Variants in ATP8B2 observed in about 807,000 individuals in gnomAD.
ATP8B2 encodes ATPase phospholipid transporting 8B2.
A neutral mutation model predicts 133.4 loss-of-function variants in ATP8B2; 70 were observed. That is an observed-to-expected ratio of 0.52 (90% CI 0.43 to 0.64). The LOEUF is 0.64. Ranked by LOEUF, ATP8B2 falls within the 30% of genes least tolerant of loss-of-function variation. The pLI, the probability that ATP8B2 is intolerant of heterozygous loss-of-function variation, is 0.00. For synonymous variants in ATP8B2, 517 were observed against 589.5 expected, an observed-to-expected ratio of 0.88 and a Z score of 1.78; for missense variants, 1,101 against 1,535.7, an observed-to-expected ratio of 0.72 and a Z score of 4.73.
intron 26 of ATP8B2, 144 bp from the exon 27 acceptor site, chr1:154,348,264 T>G: frequency 1.1e-6 from 1 of 890,758 alleles, no homozygotes; most frequent in Non-Finnish European, 1.6e-6. Context: ...AATTTGGAGA[T>G]TTACATTTGG....
chr1:154,328,305 T>G lies in ATP8B2; in HGVS notation c.31+133T>G. Reference sequence around the variant, plus strand: ...AGCTTACAGCAGCCCCTACCCAGCTTGGGGGCAGCCTAGGAAACCGAATTC... The same window carrying G: ...AGCTTACAGCAGCCCCTACCCAGCTGGGGGGCAGCCTAGGAAACCGAATTC... On this transcript the variant is annotated intron_variant, in intron 2 of 27. Coordinates refer to ENST00000368489, the MANE Select transcript of ATP8B2 (RefSeq NM_001370597.1). The surrounding 1 kb of genome is among the most constrained non-coding windows in gnomAD (Gnocchi z 4.6). 1 of 986,980 alleles carries G rather than the reference T, an allele frequency of 1.0e-6. No homozygotes were observed. Among genetic ancestry groups the G allele is most frequent in the Non-Finnish European group, 1.6e-6 (1 of 630,150 alleles). 61.1% of individuals were successfully genotyped at this position (986,980 alleles called of 1,614,324 possible).
At chr1:154,327,164 GT>G (rs1288824442) in intron 1 of ATP8B2, among the ~76,000 whole-genome samples, 1 of 152,226 alleles carries the variant, frequency 6.6e-6, no homozygotes, top group Non-Finnish European at 1.5e-5. Context: ...GGTTGGTGGG[GT>G]GTGCCTGGTA....
Position 154,345,887 on chromosome 1 carries a change from T to TG in ATP8B2, c.2778+9dup. 1.9e-6 allele frequency: 3 copies of TG among 1,603,286 alleles called. No homozygotes were observed. Among genetic ancestry groups the TG allele is most frequent in the Non-Finnish European group, 2.6e-6 (3 of 1,170,242 alleles). Reference sequence around the variant, plus strand: ...GGCTATGGGGGTCTTTGATCAGGTATGGGGGAGTTTGATGATCAGATGGGA... The same window carrying TG: ...GGCTATGGGGGTCTTTGATCAGGTATGGGGGGAGTTTGATGATCAGATGGGA... On this transcript the variant is annotated splice_donor_region_variant and intron_variant, in intron 24 of 27. Transcript: ENST00000368489. This position sits in a 1 kb window ranked among gnomAD's most constrained non-coding sequence, Gnocchi z 5.6.
At position 154,331,769 on chromosome 1, in the gene ATP8B2, A is replaced by G; in HGVS notation, c.438+91A>G. On this transcript the variant is annotated intron_variant, in intron 7 of 27. Transcript: ENST00000368489. This position sits in a 1 kb window ranked among gnomAD's most constrained non-coding sequence, Gnocchi z 4.8. ...CTTTCCTGATTTACTGTTGCCTCTT[A>G]AACACCCGTGGCAGGAATCTTTCTC... 1.4e-6 allele frequency: 2 copies of G among 1,439,952 alleles called. No homozygotes were observed. Among genetic ancestry groups the G allele is most frequent in the Admixed American group, 1.7e-5 (1 of 59,434 alleles). 89.2% of individuals were successfully genotyped at this position (1,439,952 alleles called of 1,614,324 possible). A position where few individuals can be genotyped will look rare whatever the true frequency, so the allele number is the denominator to read the frequency against.
rs932345333 is a variant in ATP8B2, at chr1:154,343,001, C to T, written c.1453+40C>T. On this transcript the variant is annotated intron_variant, in intron 15 of 27. Transcript: ENST00000368489. The surrounding 1 kb of genome is among the most constrained non-coding windows in gnomAD (Gnocchi z 5.8). ...CGGCTCGCACTCTCCTGACCTGACT[C>T]TGCCCTTGGGCTCTGCTCTGCTCTG... 8 of 1,608,402 alleles carry T rather than the reference C, an allele frequency of 5.0e-6. No homozygotes were observed. Among genetic ancestry groups the T allele is most frequent in the Non-Finnish European group, 5.1e-6 (6 of 1,176,614 alleles).
rs1176120712 is a variant in ATP8B2 at position 154,340,917 on chromosome 1, G to A, written c.1098G>A (p.Met366Ile). The change falls in exon 13 of 28, where the codon ATG (methionine) becomes ATA (isoleucine). Residue 366 changes from methionine (M) to isoleucine (I), a missense_variant. Physicochemically the swap from Met to Ile is conservative, Grantham distance 10. Transcript: ENST00000368489. This position sits in a 1 kb window ranked among gnomAD's most constrained non-coding sequence, Gnocchi z 4.0. ...FINWDKKMFCMKKRTPAEART... is the reference protein window; with the variant it reads ...FINWDKKMFCIKKRTPAEART... ...ACTGGGATAAGAAGATGTTCTGCAT[G>A]AAGAAGCGGACGCCTGCAGAAGCCC... is the stretch of plus-strand genomic sequence containing the variant. 2 of 1,614,216 alleles carry A rather than the reference G, an allele frequency of 1.2e-6. No homozygotes were observed. The highest frequency in any genetic ancestry group is 1.3e-5 in the African/African-American group (1 of 75,056).
chr1:154,327,699 T>C (rs1685836339), intron 1 of ATP8B2: 8 of 1,199,086 alleles, frequency 6.7e-6, no homozygotes, highest in Non-Finnish European at 9.8e-6. Flanking sequence ...GTTTCCTGGC[T>C]CATGTTCCCT....
At chr1:154,342,991 T>C (rs766945900) in intron 15 of ATP8B2, 30 bp downstream of exon 15, 3 of 1,610,598 alleles carry the variant, frequency 1.9e-6, no homozygotes, top group Middle Eastern at 1.7e-4. Flanking sequence ...CGCACTCTCC[T>C]GACCTGACTC....
chr1:154,330,554 C>A, intron 3 of ATP8B2, 100 bp downstream of exon 3: 1 of 1,326,266 alleles, frequency 7.5e-7, no homozygotes, highest in Non-Finnish European at 1.1e-6. Flanking sequence ...GGGAAGAGTG[C>A]TTGGGGGAGG....
In ATP8B2 at chr1:154,328,017, G is replaced by T. The variant is rs1685850231; in HGVS notation, c.-37-88G>T. On this transcript the variant is annotated intron_variant, in intron 1 of 27. Coordinates refer to ENST00000368489, the MANE Select transcript of ATP8B2 (RefSeq NM_001370597.1). The surrounding 1 kb of genome is among the most constrained non-coding windows in gnomAD (Gnocchi z 4.6). ...TGGGGGAGGGGCAGGGTCAGAGCTG[G>T]AGAAGAGGGTCTTCAAAAGAGGTCT... 8.6e-6 allele frequency: 13 copies of T among 1,520,320 alleles called. No homozygotes were observed. In the South Asian group the frequency reaches 1.2e-4, roughly 14 times the overall value. 94.2% of individuals were successfully genotyped at this position (1,520,320 alleles called of 1,614,324 possible).
rs1354206065 is a variant in ATP8B2 at position 154,334,014 on chromosome 1, C to G, written c.590-93C>G. On this transcript the variant is annotated intron_variant, in intron 9 of 27. Transcript: ENST00000368489. The surrounding 1 kb of genome is among the most constrained non-coding windows in gnomAD (Gnocchi z 4.6). The stretch of plus-strand genomic sequence containing the variant: ...ATGGATGGGCCCTTGCCCTTGCATC[C>G]TCTTCGCTCAGCTCATTTTCTCTTT... 1 of 1,479,152 alleles carries G rather than the reference C, an allele frequency of 6.8e-7. No homozygotes were observed. The highest frequency in any genetic ancestry group is 2.3e-5 in the East Asian group (1 of 43,884). The allele number at this position is 1,479,152 out of a possible 1,614,324, so 91.6% of individuals were successfully genotyped here.
At position 154,330,904 on chromosome 1, in the gene ATP8B2, C is replaced by T. The variant is rs1290037678; in HGVS notation, c.180C>T (p.Tyr60=). The change falls in exon 4 of 28, where the codon TAC becomes TAT. Residue 60 remains tyrosine (Y), a synonymous_variant. Coordinates refer to ENST00000368489, the MANE Select transcript of ATP8B2 (RefSeq NM_001370597.1). ...AGTTCCAGGAAGTTGCCAACACTTA[C>T]TTCCTGTTCCTCCTCATTCTGCAGG... The part of the protein sequence containing the change: ...FEQFQEVANT[Y]FLFLLILQLI... 4 of 1,613,916 alleles carry T rather than the reference C, an allele frequency of 2.5e-6. No individual in the cohort carries two copies. The South Asian group carries it at 4.4e-5, about 18-fold the overall frequency.
rs745515913 is a variant in ATP8B2 at position 154,346,470 on chromosome 1, C to T, written c.3018C>T (p.Ser1006=). The T allele has an allele frequency of 1.1e-5, 18 of 1,612,398 alleles. No homozygotes were observed. The highest frequency in any genetic ancestry group is 1.7e-5 in the Admixed American group (1 of 59,958). The change falls in exon 25 of 28, where the codon AGC becomes AGT. Residue 1006 remains serine (S), a synonymous_variant. Transcript: ENST00000368489. This position sits in a 1 kb window ranked among gnomAD's most constrained non-coding sequence, Gnocchi z 4.5. ...TVATSLVIVV[S]VQIGLDTGYW... is the part of the protein sequence containing the mutation. ...CCACATCCTTGGTCATTGTGGTTAGCGTGCAGGTATGAGGCCATCCAGGAA... is the reference window on the plus strand; with the variant it reads ...CCACATCCTTGGTCATTGTGGTTAGTGTGCAGGTATGAGGCCATCCAGGAA...
rs1392874500 is a variant in ATP8B2 at position 154,346,959 on chromosome 1, G to A, written c.3163+201G>A. Among the ~76,000 whole-genome samples, 2 of 152,172 alleles carry A rather than the reference G, an allele frequency of 1.3e-5. No individual in the cohort carries two copies. Among genetic ancestry groups the A allele is most frequent in the African/African-American group, 4.8e-5 (2 of 41,530 alleles). ...GCGATCTCGGCTCACTGCAGCCTTC[G>A]ACTCACTGCAGCCTCTGCCTCCCGG... is the stretch of plus-strand genomic sequence containing the variant. On this transcript the variant is annotated intron_variant, in intron 26 of 27. Transcript: ENST00000368489. The surrounding 1 kb of genome is among the most constrained non-coding windows in gnomAD (Gnocchi z 4.5).
chr1:154,348,733 C>A (rs548350358), intron 27 of ATP8B2, 107 bp from the exon 28 acceptor site: 1 of 1,396,218 alleles, frequency 7.2e-7, no homozygotes, highest in Non-Finnish European at 9.4e-7. Context: ...TGCTGTGGGT[C>A]GGAGGCCTCT....
rs139717122 is a variant in ATP8B2 at position 154,343,398 on chromosome 1, G to A, written c.1643-55G>A. On this transcript the variant is annotated intron_variant, in intron 16 of 27. Transcript: ENST00000368489. This position sits in a 1 kb window ranked among gnomAD's most constrained non-coding sequence, Gnocchi z 5.8. ...GTGACTCTTGATGTGTTTATGTTGG[G>A]GGTCTTTGCCTGTCTGAATTTTTCT... 10,909 of 1,605,526 alleles carry A rather than the reference G, an allele frequency of 6.8e-3. 44 individuals carry two copies. Among genetic ancestry groups the A allele is most frequent in the Non-Finnish European group, 8.0e-3 (9,424 of 1,173,522 alleles).
chr1:154,346,034 C>T lies in ATP8B2; in HGVS notation c.2778+151C>T, dbSNP rs1460037891. ...GGGGAAGGTGTGGCTGGTTCTCCCT[C>T]CTGGCTGCAGCTGATCTAGAACTCT... On this transcript the variant is annotated intron_variant, in intron 24 of 27. Transcript: ENST00000368489. This position sits in a 1 kb window ranked among gnomAD's most constrained non-coding sequence, Gnocchi z 4.5. 1.4e-5 allele frequency: 15 copies of T among 1,100,196 alleles called. No individual in the cohort carries two copies. The highest frequency in any genetic ancestry group is 3.1e-5 in the African/African-American group (2 of 64,298). The allele number at this position is 1,100,196 out of a possible 1,614,324, so 68.2% of individuals were successfully genotyped here.
In ATP8B2 at chr1:154,349,328, C is replaced by G; in HGVS notation, c.*210C>G. The stretch of plus-strand genomic sequence containing the variant: ...GCTGGGGAGCTAGAGGGAGCAGGCC[C>G]AAGGGCAGAGCAGAGGCTGAGGCAC... On this transcript the variant is annotated 3_prime_UTR_variant, in exon 28 of 28. Coordinates refer to ENST00000368489, the MANE Select transcript of ATP8B2 (RefSeq NM_001370597.1). 1 of 708,284 alleles carries G rather than the reference C, an allele frequency of 1.4e-6. No homozygotes were observed. The highest frequency in any genetic ancestry group is 2.3e-6 in the Non-Finnish European group (1 of 439,394). 43.9% of individuals were successfully genotyped at this position (708,284 alleles called of 1,614,324 possible).
In ATP8B2 at chr1:154,342,386, G is replaced by C. The variant is rs370588914; in HGVS notation, c.1244-94G>C. 16 of 1,277,758 alleles carry C rather than the reference G, an allele frequency of 1.3e-5. No individual in the cohort carries two copies. The East Asian group carries it at 3.5e-4, about 28-fold the overall frequency. The allele number at this position is 1,277,758 out of a possible 1,614,324, so 79.2% of individuals were successfully genotyped here. A position where few individuals can be genotyped will look rare whatever the true frequency, so the allele number is the denominator to read the frequency against. On this transcript the variant is annotated intron_variant, in intron 13 of 27. Coordinates refer to ENST00000368489, the MANE Select transcript of ATP8B2 (RefSeq NM_001370597.1). ...TCAGCGATTAGGGTTGAGGGGCTCA[G>C]TGCCTACGGGGATTCTGCATTGGAG...
Sources: gnomAD v4.1 joint callset for allele counts (sites outside exome capture counted in the v4.1 genomes callset) on GRCh38, gnomAD v4.1.1 for gene constraint, Gnocchi (gnomAD v3.1) non-coding constraint, MANE v1.5 for transcripts, NCBI Gene and HGNC (gene_info 2026-07-23, HGNC 2026-07-21) for gene names.